CSGALNACT1: variants seen among roughly 807,000 people sequenced by gnomAD.
CSGALNACT1 encodes the protein beta4GalNAcT-1.
A neutral mutation model predicts 51.0 loss-of-function variants in CSGALNACT1; 52 were observed. The observed-to-expected ratio is 1.02, with a 90% confidence interval of 0.82 to 1.29. The LOEUF (loss-of-function observed/expected upper bound fraction) is 1.29. Among genes scored for constraint, CSGALNACT1 ranks in the 50% most tolerant of loss-of-function variants. The pLI is 0.00. For missense variants in CSGALNACT1, 935 were observed against 679.2 expected, an observed-to-expected ratio of 1.38 and a Z score of -4.19; for synonymous variants, 341 against 254.4, an observed-to-expected ratio of 1.34 and a Z score of -3.24.
exon 7 of CSGALNACT1, chr8:19,420,500 G>A (rs535441483): frequency 6.2e-7 from 1 of 1,614,056 alleles, no homozygotes; most frequent in East Asian, 2.2e-5. Flanking sequence ...TGAAGGTAAA[G>A]TTCCTGAAGT....
At chr8:19,480,851 G>A (rs2071175345) in intron 4 of CSGALNACT1, among the ~76,000 whole-genome samples, 1 of 152,164 alleles carries the variant, frequency 6.6e-6, no homozygotes, top group Non-Finnish European at 1.5e-5. Context: ...GAAAAACGAG[G>A]AATATTTCTT....
chr8:19,754,819 C>T (rs1366276931), intron 1 of CSGALNACT1, among the ~76,000 whole-genome samples: 1 of 152,136 alleles, frequency 6.6e-6, no homozygotes, highest in Admixed American at 6.5e-5. Flanking sequence ...GAAGAGGTCC[C>T]CTAGTGGCGA....
intron 1 of CSGALNACT1, among the ~76,000 whole-genome samples, chr8:19,617,414 T>C (rs759658960): frequency 3.3e-5 from 5 of 152,186 alleles, no homozygotes; most frequent in Non-Finnish European, 5.9e-5. Flanking sequence ...GTCTCAGGTA[T>C]TCCTTTACAG....
chr8:19,506,013 T>C (rs1469860483), exon 4 of CSGALNACT1: 2 of 731,686 alleles, frequency 2.7e-6, no homozygotes. Context: ...CAGAGCAGCT[T>C]CTCTACTTTT....
intron 4 of CSGALNACT1, among the ~76,000 whole-genome samples, chr8:19,499,457 CAAAT>C (rs1486367699): frequency 2.0e-5 from 3 of 152,142 alleles, no homozygotes; most frequent in Non-Finnish European, 2.9e-5. Flanking sequence ...CACCCAAAAA[CAAAT>C]AAATAATAAA....
intron 6 of CSGALNACT1, among the ~76,000 whole-genome samples, chr8:19,435,309 T>C (rs930379812): frequency 6.6e-6 from 1 of 151,980 alleles, no homozygotes; most frequent in African/African-American, 2.4e-5. Flanking sequence ...CCTGGCCAAC[T>C]TGGTGAAACC....
chr8:19,632,353 C>G (rs796562319), intron 1 of CSGALNACT1, among the ~76,000 whole-genome samples: 15 of 152,370 alleles, frequency 9.8e-5, no homozygotes, highest in African/African-American at 3.6e-4. Flanking sequence ...CAAGCGCTTT[C>G]TCAACTATCT....
chr8:19,415,972 A>C (rs1025214280), intron 8 of CSGALNACT1, among the ~76,000 whole-genome samples: 1 of 152,198 alleles, frequency 6.6e-6, no homozygotes, highest in African/African-American at 2.4e-5. Context: ...GAAAAATCTG[A>C]TGTAAAAGAT....
intron 1 of CSGALNACT1, among the ~76,000 whole-genome samples, chr8:19,746,354 T>C (rs2064662441): frequency 1.3e-5 from 2 of 152,164 alleles, no homozygotes; most frequent in Non-Finnish European, 2.9e-5. Context: ...TCTTGGTAGT[T>C]CATTATTATA....
upstream of CSGALNACT1, among the ~76,000 whole-genome samples, chr8:19,604,270 GA>G (rs1028058379): frequency 6.6e-6 from 1 of 152,174 alleles, no homozygotes; most frequent in African/African-American, 2.4e-5. Flanking sequence ...ACCAGCTAAT[GA>G]GAAGTGGGTA....
chr8:19,609,029 A>G (rs1429543880), intron 1 of CSGALNACT1, among the ~76,000 whole-genome samples: 2 of 152,128 alleles, frequency 1.3e-5, no homozygotes, highest in African/African-American at 4.8e-5. Flanking sequence ...TCCAACTGCA[A>G]GGGAATTGAG....
At chr8:19,518,478 T>C (rs1430414909) in intron 3 of CSGALNACT1, among the ~76,000 whole-genome samples, 1 of 152,212 alleles carries the variant, frequency 6.6e-6, no homozygotes. Context: ...CCACACACTA[T>C]GTAAACATCA....
intron 6 of CSGALNACT1, 100 bp downstream of exon 5, chr8:19,439,730 G>T: frequency 1.1e-6 from 1 of 910,456 alleles, no homozygotes; most frequent in Non-Finnish European, 1.8e-6. Context: ...TTCACCCACA[G>T]TGTAAAGGAA....
chr8:19,720,325 C>T (rs2063050678), intron 1 of CSGALNACT1, among the ~76,000 whole-genome samples: 1 of 152,170 alleles, frequency 6.6e-6, no homozygotes, highest in Non-Finnish European at 1.5e-5. Context: ...ACATGGTTCT[C>T]ATGTATCAGG....
chr8:19,545,003 A>AT (rs530577048), intron 3 of CSGALNACT1, among the ~76,000 whole-genome samples: 354 of 148,346 alleles, frequency 2.4e-3, no homozygotes, highest in East Asian at 8.5e-3. Flanking sequence ...CCTTTCAGAC[A>AT]TTTTTTTTTT....
At chr8:19,669,186 C>A (rs1260324726) in intron 1 of CSGALNACT1, among the ~76,000 whole-genome samples, 1 of 152,116 alleles carries the variant, frequency 6.6e-6, no homozygotes, top group Non-Finnish European at 1.5e-5. Context: ...CCTCCATTTC[C>A]CCAATAGGAA....
chr8:19,692,779 C>G (rs1286782274), intron 1 of CSGALNACT1, among the ~76,000 whole-genome samples: 1 of 152,124 alleles, frequency 6.6e-6, no homozygotes, highest in Admixed American at 6.6e-5. Flanking sequence ...TGAGGCTTCA[C>G]GTGGCAATAG....
intron 1 of CSGALNACT1, among the ~76,000 whole-genome samples, chr8:19,630,127 T>C (rs1303616182): frequency 2.0e-5 from 3 of 151,968 alleles, no homozygotes; most frequent in South Asian, 2.1e-4. Context: ...CAGCTTTGAC[T>C]GTGCACAGTT....
chr8:19,648,636 C>T (rs973528277), intron 1 of CSGALNACT1, among the ~76,000 whole-genome samples: 2 of 152,046 alleles, frequency 1.3e-5, no homozygotes, highest in Non-Finnish European at 2.9e-5. Flanking sequence ...GGTGAAACCC[C>T]GTCTCTACAA....
Sources: gnomAD v4.1 joint callset for allele counts (sites outside exome capture counted in the v4.1 genomes callset) on GRCh38, gnomAD v4.1.1 for gene constraint, MANE v1.5 for transcripts, NCBI Gene and HGNC (gene_info 2026-07-23, HGNC 2026-07-21) for gene names.